UBE2D2: variants seen among roughly 807,000 people sequenced by gnomAD.
The protein encoded by UBE2D2 is ubiquitin conjugating enzyme E2 D2, also known as ubiquitin-conjugating enzyme E2 D2.
Under a neutral mutation model 24.2 loss-of-function variants are expected in UBE2D2, and 2 were observed. The ratio of observed to expected loss-of-function variants is 0.08; its 90% confidence interval spans 0.03 to 0.26. UBE2D2 has a LOEUF of 0.26. Ranked by LOEUF, UBE2D2 falls within the 10% of genes least tolerant of loss-of-function variation. UBE2D2 has a pLI of 1.00. For synonymous variants in UBE2D2, 58 were observed against 56.5 expected (o/e 1.03, Z -0.12); for missense variants, 44 against 177.6 (o/e 0.25, Z 4.28).
chr5:139,567,564 C>G (rs187659478), intron 1 of UBE2D2, among the ~76,000 whole-genome samples: 1 of 114,418 alleles, frequency 8.7e-6, no homozygotes, highest in East Asian at 2.7e-4. Context: ...GATAGAGTCT[C>G]GCTCTGTTGC....
intron 6 of UBE2D2, 30 bp downstream of exon 6, chr5:139,623,491 C>G: frequency 6.5e-7 from 1 of 1,549,856 alleles, no homozygotes; most frequent in Middle Eastern, 1.7e-4. Context: ...GGAAAGTTAT[C>G]TGTGGTGGGA....
At chr5:139,615,065 G>C (rs1328679453) in intron 5 of UBE2D2, 99 bp downstream of exon 5, 9 of 1,191,956 alleles carry the variant, frequency 7.6e-6, no homozygotes, top group African/African-American at 6.2e-5. Context: ...CTTTTAAGAA[G>C]AGATAGCAAT....
intron 1 of UBE2D2, among the ~76,000 whole-genome samples, chr5:139,569,380 T>C (rs1753305886): frequency 6.6e-6 from 1 of 152,186 alleles, no homozygotes; most frequent in Admixed American, 6.6e-5. Context: ...TGTATATTAC[T>C]GTACTGATGA....
At chr5:139,611,005 C>T (rs150565586) in intron 2 of UBE2D2, among the ~76,000 whole-genome samples, 1 of 152,038 alleles carries the variant, frequency 6.6e-6, no homozygotes, top group South Asian at 2.1e-4. Context: ...CATTATGCTT[C>T]CAGAATAATC....
chr5:139,616,869 C>T (rs1256207210), intron 5 of UBE2D2, among the ~76,000 whole-genome samples: 2 of 152,050 alleles, frequency 1.3e-5, no homozygotes, highest in African/African-American at 4.8e-5. Context: ...AGATCGGTTC[C>T]AGCACATGCA....
rs566578600 is a variant in UBE2D2 at position 139,565,053 on chromosome 5, A to G, written c.24+3238A>G. ...GTGGAATCCCCATTGCTTGGCTTCT[A>G]TAATTGATCTTGAACCTTCCCAATT... is the stretch of plus-strand genomic sequence containing the variant. On this transcript the variant is annotated intron_variant, in intron 1 of 6. Transcript: ENST00000398733. Among the ~76,000 whole-genome samples, 5 of 152,252 alleles carry G rather than the reference A, an allele frequency of 3.3e-5. 1 individual carries two copies. In the South Asian group the frequency reaches 1.0e-3, roughly 32 times the overall value.
At chr5:139,573,830 G>A (rs988106427) in intron 1 of UBE2D2, among the ~76,000 whole-genome samples, 3 of 152,098 alleles carry the variant, frequency 2.0e-5, no homozygotes, top group East Asian at 1.9e-4. Flanking sequence ...AATTAGCCAG[G>A]TGTGGTGGCG....
chr5:139,617,975 T>C (rs1754449438), intron 5 of UBE2D2, among the ~76,000 whole-genome samples: 4 of 151,836 alleles, frequency 2.6e-5, no homozygotes, highest in Admixed American at 2.6e-4. Context: ...ATTATTATTA[T>C]TATTTGTTTT....
intron 1 of UBE2D2, among the ~76,000 whole-genome samples, chr5:139,566,179 C>T (rs1438456265): frequency 6.6e-6 from 1 of 151,992 alleles, no homozygotes; most frequent in African/African-American, 2.4e-5. Context: ...CCACCATGCC[C>T]AGCTAATTTT....
At chr5:139,532,217 C>T (rs1419905685) in intron 1 of UBE2D2, among the ~76,000 whole-genome samples, 1 of 151,180 alleles carries the variant, frequency 6.6e-6, no homozygotes, top group Admixed American at 6.6e-5. Context: ...CTCTGTTGCC[C>T]AGGCTGAAGT....
At chr5:139,575,680 TA>T (rs1753455021) in intron 1 of UBE2D2, among the ~76,000 whole-genome samples, 1 of 152,176 alleles carries the variant, frequency 6.6e-6, no homozygotes, top group Admixed American at 6.5e-5. Flanking sequence ...ATCATGCCAA[TA>T]TAAGTGATAG....
intron 5 of UBE2D2, among the ~76,000 whole-genome samples, chr5:139,619,488 C>T (rs1754475632): frequency 6.6e-6 from 1 of 151,986 alleles, no homozygotes; most frequent in Non-Finnish European, 1.5e-5. Flanking sequence ...GAGTTACTAT[C>T]TTTACAGAAG....
At chr5:139,622,401 C>T (rs535568240) in intron 5 of UBE2D2, among the ~76,000 whole-genome samples, 222 of 151,160 alleles carry the variant, frequency 1.5e-3, no homozygotes, top group African/African-American at 5.0e-3. Flanking sequence ...CACACCACCA[C>T]GCCCAGCTAA....
At chr5:139,602,438 A>T (rs1754098942) in intron 2 of UBE2D2, among the ~76,000 whole-genome samples, 1 of 152,140 alleles carries the variant, frequency 6.6e-6, no homozygotes. Context: ...GTGCTTTGGG[A>T]GGCTGAGGCA....
At chr5:139,588,173 G>A (rs1753772354) in intron 1 of UBE2D2, among the ~76,000 whole-genome samples, 1 of 151,950 alleles carries the variant, frequency 6.6e-6, no homozygotes, top group South Asian at 2.1e-4. Flanking sequence ...GTGTTGCCTA[G>A]GCTGGTCTTG....
At chr5:139,547,704 AT>A (rs1355322427) in intron 1 of UBE2D2, among the ~76,000 whole-genome samples, 1 of 146,914 alleles carries the variant, frequency 6.8e-6, no homozygotes. Context: ...TTATTTTTTT[AT>A]TTTTTTTGAG....
At chr5:139,528,502 C>G (rs1327470552) in intron 1 of UBE2D2, among the ~76,000 whole-genome samples, 3 of 152,222 alleles carry the variant, frequency 2.0e-5, no homozygotes, top group Non-Finnish European at 4.4e-5. Context: ...CTCAAAACAA[C>G]TAGACGGGGT....
chr5:139,621,355 G>A (rs144274626), intron 5 of UBE2D2, among the ~76,000 whole-genome samples: 205 of 152,340 alleles, frequency 1.3e-3, no homozygotes, highest in Middle Eastern at 0.01. Flanking sequence ...GGTTGTCACC[G>A]AGGAAATGGC....
At chr5:139,621,655 C>T (rs891643357) in intron 5 of UBE2D2, among the ~76,000 whole-genome samples, 6 of 151,720 alleles carry the variant, frequency 4.0e-5, no homozygotes, top group Non-Finnish European at 1.5e-5. Flanking sequence ...CAGGGTCTCA[C>T]TCTGTCACCC....
Sources: allele counts gnomAD v4.1 joint callset (sites outside exome capture counted in the v4.1 genomes callset), GRCh38; gene constraint gnomAD v4.1.1; transcripts MANE v1.5; gene names NCBI Gene and HGNC (gene_info 2026-07-23, HGNC 2026-07-21).